Variants in ERICH6 observed in about 807,000 individuals in gnomAD.
ERICH6 encodes the protein glutamate-rich protein 6.
A neutral mutation model predicts 71.0 loss-of-function variants in ERICH6; 71 were observed. That is an observed-to-expected ratio of 1.00 (90% CI 0.83 to 1.22). The LOEUF is 1.22. Among genes scored for constraint, ERICH6 ranks in the 50% most tolerant of loss-of-function variants. ERICH6 has a pLI of 0.00. For synonymous variants in ERICH6, 262 were observed against 278.4 expected, an observed-to-expected ratio of 0.94 and a Z score of 0.59; for missense variants, 808 against 797.2, an observed-to-expected ratio of 1.01 and a Z score of -0.16.
At chr3:150,683,346 A>C (rs1453159631) in intron 6 of ERICH6, among the ~76,000 whole-genome samples, 1 of 152,220 alleles carries the variant, frequency 6.6e-6, no homozygotes, top group Non-Finnish European at 1.5e-5. Flanking sequence ...GTAGGACAGA[A>C]AGAGAGCTGG....
intron 10 of ERICH6, among the ~76,000 whole-genome samples, chr3:150,675,839 A>T (rs1711629526): frequency 6.8e-6 from 1 of 147,116 alleles, no homozygotes; most frequent in African/African-American, 2.5e-5. Flanking sequence ...GCTACTTCTA[A>T]TAATTCTTTC....
chr3:150,674,782 C>T (rs958331467), intron 10 of ERICH6, among the ~76,000 whole-genome samples: 1 of 151,898 alleles, frequency 6.6e-6, no homozygotes, highest in Non-Finnish European at 1.5e-5. Flanking sequence ...CTCATATTTT[C>T]TATAGCATTA....
chr3:150,703,425 C>A (rs941400098), intron 1 of ERICH6, 71 bp downstream of exon 1: 1 of 1,477,658 alleles, frequency 6.8e-7, no homozygotes, highest in Non-Finnish European at 8.9e-7. Context: ...AGGCACCACC[C>A]AGGAGTGGGT....
intron 13 of ERICH6, among the ~76,000 whole-genome samples, chr3:150,665,515 CAAA>C (rs59227415): frequency 4.7e-5 from 3 of 63,472 alleles, no homozygotes; most frequent in African/African-American, 7.3e-5. Flanking sequence ...GACTCCATCT[CAAA>C]AAAAAAAAAA....
Position 150,703,603 on chromosome 3 carries a change from G to T in ERICH6, c.296C>A (p.Ala99Asp), listed in dbSNP as rs761201834. ...GGTCAGGCTAGGGCTGACGATGCTGGCTAAGCGGGGGCGCACGTCTGGGAA... is the reference window on the plus strand; with the variant it reads ...GGTCAGGCTAGGGCTGACGATGCTGTCTAAGCGGGGGCGCACGTCTGGGAA... Reference protein sequence around the residue: ...DDFPDVRPRLASIVSPSLTST... With the variant: ...DDFPDVRPRLDSIVSPSLTST... Residue 99 changes from alanine (A) to aspartate (D), a missense_variant, in exon 1 of 14, where the codon GCC (alanine) becomes GAC (aspartate). Ala to Asp is a moderately radical substitution (Grantham distance 126). Transcript: ENST00000295910. 1.2e-6 allele frequency: 2 copies of T among 1,614,046 alleles called. No individual in the cohort carries two copies. Among genetic ancestry groups the T allele is most frequent in the Non-Finnish European group, 1.7e-6 (2 of 1,180,000 alleles).
At position 150,692,985 on chromosome 3, in the gene ERICH6, C is replaced by T. The variant is rs559477049; in HGVS notation, c.553+5806G>A. Among the ~76,000 whole-genome samples, 3 of 152,234 alleles carry T rather than the reference C, an allele frequency of 2.0e-5. No homozygotes were observed. In the South Asian group the frequency reaches 6.2e-4, roughly 32 times the overall value. On this transcript the variant is annotated intron_variant, in intron 3 of 13. Coordinates refer to ENST00000295910, the MANE Select transcript of ERICH6 (RefSeq NM_152394.5). ...GCAGAACAGGAATTAACTGCATAGA[C>T]TAAACTAATAGAAGTCTGAAGCAAT... is the stretch of plus-strand genomic sequence containing the variant.
chr3:150,702,242 C>A (rs932970701), intron 1 of ERICH6, 64 bp from the exon 2 acceptor site: 1 of 963,884 alleles, frequency 1.0e-6, no homozygotes, highest in Non-Finnish European at 1.6e-6. Flanking sequence ...TTCTACCCCC[C>A]CCAGGAACAC....
At chr3:150,686,058 AGCCTTTGT>A in intron 4 of ERICH6, 37 bp from the exon 5 acceptor site, 1 of 1,542,148 alleles carries the variant, frequency 6.5e-7, no homozygotes, top group Non-Finnish European at 9.0e-7. Context: ...AAATGTTTAA[AGCCTTTGT>A]GCAGTGCATT....
In ERICH6 at chr3:150,703,782, T is replaced by TTCCTCCTCCTCCTCCACCTCG; in HGVS notation, c.116_117insCGAGGTGGAGGAGGAGGAGGA (p.Glu38_Glu39insAspGluValGluGluGluGlu). The TTCCTCCTCCTCCTCCACCTCG allele has an allele frequency of 6.4e-7, 1 of 1,559,162 alleles. No individual in the cohort carries two copies. The highest frequency in any genetic ancestry group is 8.7e-7 in the Non-Finnish European group (1 of 1,154,268). On this transcript the variant is annotated inframe_insertion, in exon 1 of 14. Coordinates refer to ENST00000295910, the MANE Select transcript of ERICH6 (RefSeq NM_152394.5). ...CCTCTTCCTCCTCCTCCTCCACCTC[T>TTCCTCCTCCTCCTCCACCTCG]TCCTCCTCCTCCTCCACCTCTTCCT... is the stretch of plus-strand genomic sequence containing the variant.
chr3:150,691,719 A>ATT (rs35928234), intron 3 of ERICH6, among the ~76,000 whole-genome samples: 2 of 151,274 alleles, frequency 1.3e-5, no homozygotes, highest in Non-Finnish European at 3.0e-5. Flanking sequence ...AGCTGAGATT[A>ATT]TTTTTTTTTA....
chr3:150,664,666 A>G (rs73003052), intron 13 of ERICH6, among the ~76,000 whole-genome samples: 25,900 of 151,852 alleles, frequency 0.17, 2,365 homozygotes, highest in African/African-American at 0.23. Flanking sequence ...AAAGATGTAT[A>G]AAATAATTTA....
At chr3:150,672,266 T>G (rs752021894) in intron 11 of ERICH6, among the ~76,000 whole-genome samples, 3 of 146,010 alleles carry the variant, frequency 2.1e-5, no homozygotes, top group Non-Finnish European at 4.5e-5. Context: ...TATATATACA[T>G]ATATATATAT....
In ERICH6 at chr3:150,703,441, A is replaced by C. The variant is rs140342771; in HGVS notation, c.403+55T>G. On this transcript the variant is annotated intron_variant, in intron 1 of 13. Transcript: ENST00000295910. Reference sequence around the variant, plus strand: ...GGCACCACCCAGGAGTGGGTGGACCAGGTGCCCCCTGGAGACGAGAAACCC... The same window carrying C: ...GGCACCACCCAGGAGTGGGTGGACCCGGTGCCCCCTGGAGACGAGAAACCC... The C allele has an allele frequency of 1.1e-3, 1,608 of 1,497,314 alleles. 17 individuals are homozygous for C. The African/African-American group carries it at 0.019, about 18-fold the overall frequency. The allele number at this position is 1,497,314 out of a possible 1,614,324, so 92.8% of individuals were successfully genotyped here. A position where few individuals can be genotyped will look rare whatever the true frequency, so the allele number is the denominator to read the frequency against.
In ERICH6 at chr3:150,686,288, A is replaced by G. The variant is rs1712182329; in HGVS notation, c.610+10T>C. 4.3e-6 allele frequency: 7 copies of G among 1,613,920 alleles called. No individual in the cohort carries two copies. In the South Asian group the frequency reaches 4.4e-5, roughly 10 times the overall value. ...CCAGCAAAAGGAGATGATGCCAAAC[A>G]TGTATTTACCTCTTAACTTAGATGC... On this transcript the variant is annotated intron_variant, in intron 4 of 13. Coordinates refer to ENST00000295910, the MANE Select transcript of ERICH6 (RefSeq NM_152394.5).
At chr3:150,692,742 A>C (rs1019370567) in intron 3 of ERICH6, among the ~76,000 whole-genome samples, 1 of 152,078 alleles carries the variant, frequency 6.6e-6, no homozygotes, top group Non-Finnish European at 1.5e-5. Flanking sequence ...TTTCTTGTCA[A>C]TTGTGTCTTT....
rs1374826773 is a variant in ERICH6, at chr3:150,674,052, CAGAAA to C, written c.1258-16_1258-12del. 3.1e-6 allele frequency: 5 copies of C among 1,608,934 alleles called. No individual in the cohort carries two copies. Among genetic ancestry groups the C allele is most frequent in the African/African-American group, 1.3e-5 (1 of 74,592 alleles). ...CTCATTCCTGACAACCTATACACCACAGAAAAGAAAAGACACTTAATTGTTTCGGA... is the reference window on the plus strand; with the variant it reads ...CTCATTCCTGACAACCTATACACCACAGAAAAGACACTTAATTGTTTCGGA... On this transcript the variant is annotated splice_polypyrimidine_tract_variant and intron_variant, in intron 10 of 13. Coordinates refer to ENST00000295910, the MANE Select transcript of ERICH6 (RefSeq NM_152394.5).
intron 11 of ERICH6, among the ~76,000 whole-genome samples, chr3:150,670,338 C>T (rs1711498205): frequency 6.6e-6 from 1 of 151,792 alleles, no homozygotes; most frequent in African/African-American, 2.4e-5. Flanking sequence ...CAAAAATAGC[C>T]AGGCATGGTG....
chr3:150,666,427 A>T (rs1372785082), intron 13 of ERICH6, among the ~76,000 whole-genome samples: 1 of 152,180 alleles, frequency 6.6e-6, no homozygotes, highest in Admixed American at 6.5e-5. Flanking sequence ...CTTGAACATG[A>T]TTCAAACTCA....
intron 2 of ERICH6, among the ~76,000 whole-genome samples, chr3:150,699,587 A>T (rs1712782487): frequency 6.6e-6 from 1 of 152,210 alleles, no homozygotes; most frequent in African/African-American, 2.4e-5. Flanking sequence ...AAGGATTACC[A>T]CTTAAGAAAA....
Sources: allele counts gnomAD v4.1 joint callset (sites outside exome capture counted in the v4.1 genomes callset), GRCh38; gene constraint gnomAD v4.1.1; transcripts MANE v1.5; gene names NCBI Gene and HGNC (gene_info 2026-07-23, HGNC 2026-07-21).